WARS1: variants seen among roughly 807,000 people sequenced by gnomAD.
WARS1 encodes tryptophanyl-tRNA synthetase 1, also known as tryptophan--tRNA ligase, cytoplasmic.
In WARS1, 17 loss-of-function variants were observed where a neutral mutation model predicts 47.8. That is an observed-to-expected ratio of 0.36 (90% CI 0.24 to 0.53). WARS1 has a LOEUF of 0.53. Ranked by LOEUF, WARS1 falls within the 20% of genes least tolerant of loss-of-function variation. The pLI, the probability that WARS1 is intolerant of heterozygous loss-of-function variation, is 0.91. For synonymous variants in WARS1, 208 were observed against 228.1 expected (o/e 0.91, Z 0.79); for missense variants, 434 against 608.0 (o/e 0.71, Z 3.01).
At chr14:100,354,668 C>T (rs1895199131) in intron 4 of WARS1, 102 bp from the exon 5 acceptor site, 4 of 1,322,054 alleles carry the variant, frequency 3.0e-6, no homozygotes, top group Non-Finnish European at 4.1e-6. Flanking sequence ...GACGAAACAA[C>T]ATGGATAATA....
chr14:100,339,445 C>T (rs927775960), intron 9 of WARS1, among the ~76,000 whole-genome samples: 2 of 151,956 alleles, frequency 1.3e-5, no homozygotes, highest in Non-Finnish European at 2.9e-5. Flanking sequence ...AAAAAATTAG[C>T]TGGGTGTGGT....
At chr14:100,362,764 T>C (rs1895735965) in intron 2 of WARS1, among the ~76,000 whole-genome samples, 1 of 152,228 alleles carries the variant, frequency 6.6e-6, no homozygotes, top group South Asian at 2.1e-4. Flanking sequence ...CCAAGGGAAA[T>C]ACAAACATTT....
Position 100,342,454 on chromosome 14 carries a change from T to C in WARS1, c.1057A>G (p.Ser353Gly). The change falls in exon 9 of 11, where the codon AGC becomes GGC. Residue 353 changes from serine (S) to glycine (G), a missense_variant. Ser to Gly is a moderately conservative substitution (Grantham distance 56). This residue lies in a region of WARS1 where 347 missense variants were observed against 523.8 expected (regional missense o/e 0.66). Transcript: ENST00000392882. ...LQGAQTKMSA[S>G]DPNSSIFLTD... ...AGGAAGATGGAGGAGTTGGGGTCGC[T>C]GGCACTCATTTTGGTCTGGGCGCCC... The C allele has an allele frequency of 6.2e-7, 1 of 1,614,058 alleles. No homozygotes were observed. Among genetic ancestry groups the C allele is most frequent in the Non-Finnish European group, 8.5e-7 (1 of 1,179,982 alleles).
At chr14:100,369,326 C>G in intron 1 of WARS1, 68 bp from the exon 2 acceptor site, 3 of 476,976 alleles carry the variant, frequency 6.3e-6, no homozygotes, top group Non-Finnish European at 1.0e-5. Context: ...GGCTGTTTTT[C>G]CTTTCCTGTA....
intron 2 of WARS1, among the ~76,000 whole-genome samples, chr14:100,363,749 C>G (rs960922910): frequency 6.6e-6 from 1 of 152,094 alleles, no homozygotes; most frequent in Non-Finnish European, 1.5e-5. Context: ...ACTTCAGTCT[C>G]CTGAGTAGCT....
At chr14:100,341,573 G>A (rs755922909) in intron 9 of WARS1, among the ~76,000 whole-genome samples, 4 of 152,210 alleles carry the variant, frequency 2.6e-5, no homozygotes, top group Non-Finnish European at 5.9e-5. Flanking sequence ...CAAAGAAAAT[G>A]TCAACTGCTT....
At chr14:100,370,697 A>G (rs937474321) in intron 1 of WARS1, among the ~76,000 whole-genome samples, 4 of 152,206 alleles carry the variant, frequency 2.6e-5, no homozygotes, top group African/African-American at 9.6e-5. Flanking sequence ...GAGGGGTTAA[A>G]AAAAACTTGC....
At chr14:100,342,336 G>A (rs189792345) in intron 9 of WARS1, 62 bp downstream of exon 9, 18 of 1,595,806 alleles carry the variant, frequency 1.1e-5, no homozygotes, top group Admixed American at 1.7e-5. Flanking sequence ...GTGTGTGTGC[G>A]TGTGCCCCCC....
At chr14:100,350,443 G>C (rs569637387) in intron 6 of WARS1, among the ~76,000 whole-genome samples, 1 of 150,378 alleles carries the variant, frequency 6.6e-6, no homozygotes, top group African/African-American at 2.4e-5. Context: ...CGAAGGTGGA[G>C]GCTGGTCAGG....
At position 100,345,162 on chromosome 14, in the gene WARS1, T is replaced by C. The variant is rs1458917001; in HGVS notation, c.826+1584A>G. Among the ~76,000 whole-genome samples the C allele has an allele frequency of 4.0e-5, 6 of 149,754 alleles. No homozygotes were observed. The South Asian group carries it at 1.1e-3, about 27-fold the overall frequency. On this transcript the variant is annotated intron_variant, in intron 7 of 10. Transcript: ENST00000392882. ...CCCTCTGCCCGGCCACCACCCCGTC[T>C]GGGAGGTGTACCCAACAGCTCATTG...
At chr14:100,362,634 G>A (rs1467421195) in intron 2 of WARS1, among the ~76,000 whole-genome samples, 1 of 152,118 alleles carries the variant, frequency 6.6e-6, no homozygotes, top group Non-Finnish European at 1.5e-5. Context: ...GAAGCCTGGT[G>A]TTTAGAAAAG....
At chr14:100,345,871 C>T (rs1236614512) in intron 7 of WARS1, among the ~76,000 whole-genome samples, 2 of 152,228 alleles carry the variant, frequency 1.3e-5, no homozygotes, top group Non-Finnish European at 2.9e-5. Flanking sequence ...CTTGGGTGAG[C>T]GCAGAGGTTT....
chr14:100,355,050 G>C (rs148200461), intron 4 of WARS1, among the ~76,000 whole-genome samples: 2 of 152,116 alleles, frequency 1.3e-5, no homozygotes, highest in Non-Finnish European at 2.9e-5. Flanking sequence ...CCCAGTTGGA[G>C]ATCTATCTGG....
At chr14:100,368,460 C>T in intron 2 of WARS1, 2 of 455,930 alleles carry the variant, frequency 4.4e-6, no homozygotes, top group South Asian at 1.5e-5. Context: ...ACCTGAAAGA[C>T]CCCAACTTGA....
rs576407869 is a variant in WARS1 at position 100,369,103 on chromosome 14, G to A, written c.83C>T (p.Ala28Val). 12 of 1,557,470 alleles carry A rather than the reference G, an allele frequency of 7.7e-6. No individual in the cohort carries two copies. The highest frequency in any genetic ancestry group is 1.7e-4 in the Middle Eastern group (1 of 5,834). The change falls in exon 2 of 11, where the codon GCG becomes GTG. Residue 28 changes from alanine (A) to valine (V), a missense_variant. Around this residue, in one of 2 missense-constraint regions of WARS1, gnomAD observed 87 missense variants for 84.2 expected, o/e 1.03. Transcript: ENST00000392882. ...ATCATGTACCTTTGACGCATTTCCCGCTTTGAGGGACCTTACGAGCTCCCC... is the reference window on the plus strand; with the variant it reads ...ATCATGTACCTTTGACGCATTTCCCACTTTGAGGGACCTTACGAGCTCCCC... Reference protein sequence around the residue: ...TQGELVRSLKAGNASKDEIDS... With the variant: ...TQGELVRSLKVGNASKDEIDS...
Position 100,350,260 on chromosome 14 carries a change from C to T in WARS1, c.726-3414G>A, listed in dbSNP as rs1040096878. Reference sequence around the variant, plus strand: ...TACAAAAATTAGCTGGGTGTGGTGGCGGGCGCCTGTAATCCCAGCTACTCA... The same window carrying T: ...TACAAAAATTAGCTGGGTGTGGTGGTGGGCGCCTGTAATCCCAGCTACTCA... On this transcript the variant is annotated intron_variant, in intron 6 of 10. Transcript: ENST00000392882. Among the ~76,000 whole-genome samples the T allele has an allele frequency of 1.7e-4, 26 of 151,854 alleles. 1 individual carries two copies. Among genetic ancestry groups the T allele is most frequent in the Non-Finnish European group, 3.1e-4 (21 of 67,982 alleles).
rs151185626 is a variant in WARS1, at chr14:100,361,305, A to G, written c.313+403T>C. 5.7e-3 allele frequency among the ~76,000 whole-genome samples: 871 copies of G among 152,364 alleles called. 6 individuals are homozygous for G. The highest frequency in any genetic ancestry group is 0.01 in the Middle Eastern group (3 of 294). On this transcript the variant is annotated intron_variant, in intron 3 of 10. Transcript: ENST00000392882. The stretch of plus-strand genomic sequence containing the variant: ...AAGAACTTGCCCGATGTGAGAAGTC[A>G]CTGCTCTTAAGCTGACTTCCAGCCT...
Position 100,353,743 on chromosome 14 carries a change from G to A in WARS1, c.669C>T (p.Ile223=), listed in dbSNP as rs752889460. 1.7e-4 allele frequency: 276 copies of A among 1,614,076 alleles called. No homozygotes were observed. The highest frequency in any genetic ancestry group is 2.8e-4 in the Admixed American group (17 of 60,000). The change falls in exon 6 of 11, where the codon ATC becomes ATT. Residue 223 remains isoleucine, a synonymous_variant. Transcript: ENST00000392882. ...SYAVENAKDI[I]ACGFDINKTF... ...TCTTGTTGATGTCAAAGCCACAGGC[G>A]ATGATGTCCTTGGCATTCTCCACAG...
chr14:100,368,322 C>T, intron 2 of WARS1: 6 of 408,538 alleles, frequency 1.5e-5, no homozygotes, highest in South Asian at 1.1e-4. Context: ...GATGGTTCAG[C>T]TGTCCACGTC....
Sources: gnomAD v4.1 joint callset for allele counts (sites outside exome capture counted in the v4.1 genomes callset) on GRCh38, gnomAD v4.1.1 for gene constraint, gnomAD v4.1.1 regional missense constraint, MANE v1.5 for transcripts, NCBI Gene and HGNC (gene_info 2026-07-23, HGNC 2026-07-21) for gene names.